NDNF: variants seen among roughly 807,000 people sequenced by gnomAD.
NDNF encodes neuron derived neurotrophic factor.
In NDNF, 16 loss-of-function variants were observed where a neutral mutation model predicts 42.0. The ratio of observed to expected loss-of-function variants is 0.38; its 90% CI spans 0.26 to 0.58. The LOEUF (loss-of-function observed/expected upper bound fraction) is 0.58, where lower values mean the gene tolerates loss of function less well. Ranked by LOEUF, NDNF falls within the 20% of genes least tolerant of loss-of-function variation. The pLI, the probability that NDNF is intolerant of heterozygous loss-of-function variation, is 0.67. For missense variants in NDNF, 616 were observed against 666.2 expected (o/e 0.92, Z 0.83); for synonymous variants, 248 against 251.7 (o/e 0.99, Z 0.14).
intron 1 of NDNF, among the ~76,000 whole-genome samples, chr4:121,058,569 C>G (rs1727343292): frequency 6.6e-6 from 1 of 152,136 alleles, no homozygotes; most frequent in Admixed American, 6.6e-5. Flanking sequence ...GAAGCATAAA[C>G]GAAGATGCTG....
intron 1 of NDNF, among the ~76,000 whole-genome samples, chr4:121,055,759 A>G (rs543118692): frequency 6.6e-6 from 1 of 152,286 alleles, no homozygotes; most frequent in East Asian, 1.9e-4. Flanking sequence ...TCCGCCAGAT[A>G]CATGGATGGT....
In NDNF at chr4:121,036,653, T is replaced by C. The variant is rs1488684895; in HGVS notation, c.1318A>G (p.Thr440Ala). Residue 440 changes from threonine to alanine, a missense_variant, in exon 4 of 4, where the codon ACT (threonine) becomes GCT (alanine). Transcript: ENST00000379692. ...GGAAGAGAGGGAAATGACTGCTTAG[T>C]AGGCCTTGTGGTAGCTAGAATTTTC... ...MLKILATTRP[T>A]KQSFPSLPED... 8.7e-6 allele frequency: 14 copies of C among 1,614,070 alleles called. No homozygotes were observed. The highest frequency in any genetic ancestry group is 2.7e-5 in the African/African-American group (2 of 74,924).
intron 1 of NDNF, among the ~76,000 whole-genome samples, chr4:121,059,739 T>C (rs951585342): frequency 2.6e-5 from 4 of 152,200 alleles, no homozygotes; most frequent in African/African-American, 7.2e-5. Context: ...GCTTCTCAAA[T>C]CTTTATGCGC....
intron 2 of NDNF, among the ~76,000 whole-genome samples, chr4:121,045,213 G>A (rs1214325402): frequency 5.3e-5 from 8 of 152,158 alleles, no homozygotes; most frequent in African/African-American, 9.6e-5. Flanking sequence ...TTAGCCAGGC[G>A]TGGTGGAGGA....
chr4:121,053,732 C>T (rs1309503617), intron 1 of NDNF, among the ~76,000 whole-genome samples: 1 of 152,214 alleles, frequency 6.6e-6, no homozygotes, highest in East Asian at 1.9e-4. Context: ...GGATAACTTC[C>T]ACTGTCTTAG....
At chr4:121,059,143 T>C (rs555453524) in intron 1 of NDNF, among the ~76,000 whole-genome samples, 1 of 152,052 alleles carries the variant, frequency 6.6e-6, no homozygotes, top group African/African-American at 2.4e-5. Context: ...GGCTGTGCAC[T>C]TTTTTATGCT....
intron 1 of NDNF, among the ~76,000 whole-genome samples, chr4:121,051,011 C>T (rs990161504): frequency 3.9e-5 from 6 of 152,038 alleles, no homozygotes; most frequent in Admixed American, 6.6e-5. Context: ...TATATACACA[C>T]ACATATTTTT....
At chr4:121,064,354 C>T (rs1450608695) in intron 1 of NDNF, among the ~76,000 whole-genome samples, 1 of 152,072 alleles carries the variant, frequency 6.6e-6, no homozygotes, top group East Asian at 1.9e-4. Context: ...ATCATTTCTG[C>T]TTCCATTGTG....
intron 2 of NDNF, 82 bp from the exon 3 acceptor site, chr4:121,040,136 TTTAA>T (rs1726972501): frequency 7.6e-7 from 1 of 1,309,894 alleles, no homozygotes; most frequent in African/African-American, 1.5e-5. Context: ...ATCATTTGGT[TTTAA>T]TTTTTTTTTC....
chr4:121,070,915 G>A (rs1727581777), intron 1 of NDNF, among the ~76,000 whole-genome samples: 1 of 152,152 alleles, frequency 6.6e-6, no homozygotes, highest in Non-Finnish European at 1.5e-5. Context: ...ACAGCGTAGA[G>A]GTGCCCGCGG....
intron 2 of NDNF, among the ~76,000 whole-genome samples, chr4:121,041,233 C>G (rs1400973799): frequency 6.6e-6 from 1 of 152,188 alleles, no homozygotes; most frequent in Non-Finnish European, 1.5e-5. Flanking sequence ...ATTTAATTAT[C>G]TTTCAAAACC....
intron 1 of NDNF, among the ~76,000 whole-genome samples, chr4:121,046,908 T>A (rs1727103414): frequency 6.6e-6 from 1 of 151,682 alleles, no homozygotes; most frequent in Non-Finnish European, 1.5e-5. Flanking sequence ...CCATTTGGTA[T>A]TTTTTTTTCC....
At chr4:121,039,134 TATATATATGTG>T (rs1726933048) in intron 3 of NDNF, 1 of 37,290 alleles carries the variant, frequency 2.7e-5, no homozygotes, top group African/African-American at 5.8e-5. Flanking sequence ...TACATAGTTA[TATATATATGTG>T]TATATATATA....
At chr4:121,050,493 T>C (rs1727175296) in intron 1 of NDNF, among the ~76,000 whole-genome samples, 1 of 152,174 alleles carries the variant, frequency 6.6e-6, no homozygotes, top group Admixed American at 6.5e-5. Flanking sequence ...GGAAATGTGT[T>C]TGCACAGCAA....
chr4:121,037,108 A>G lies in NDNF; in HGVS notation c.863T>C (p.Ile288Thr), dbSNP rs771377467. 1.2e-6 allele frequency: 2 copies of G among 1,613,944 alleles called. No individual in the cohort carries two copies. The highest frequency in any genetic ancestry group is 1.7e-6 in the Non-Finnish European group (2 of 1,180,012). The change falls in exon 4 of 4, where the codon ATT (isoleucine) becomes ACT (threonine). Residue 288 changes from isoleucine to threonine, a missense_variant. Physicochemically the swap from Ile to Thr is moderately conservative, Grantham distance 89 (BLOSUM62 -1). Transcript: ENST00000379692. Reference sequence around the variant, plus strand: ...CTTGTTTCCTATGCAGATTTTCTGAATATCAACCTTGGGCCTGGAGTAGAC... The same window carrying G: ...CTTGTTTCCTATGCAGATTTTCTGAGTATCAACCTTGGGCCTGGAGTAGAC... ...RHVYSRPKVD[I>T]QKICIGNKNI...
intron 1 of NDNF, among the ~76,000 whole-genome samples, chr4:121,051,971 A>G (rs1727204547): frequency 6.6e-6 from 1 of 152,224 alleles, no homozygotes. Context: ...TAAAGGTCCA[A>G]GGCTCTCAAA....
chr4:121,055,824 C>T (rs147565069), intron 1 of NDNF, among the ~76,000 whole-genome samples: 1 of 151,956 alleles, frequency 6.6e-6, no homozygotes, highest in African/African-American at 2.4e-5. Flanking sequence ...CACACACACG[C>T]ACCCCAGAAG....
intron 3 of NDNF, among the ~76,000 whole-genome samples, chr4:121,039,182 GTGTGTGTGTGTATATATATA>G (rs1726942751): frequency 1.1e-3 from 15 of 13,814 alleles, no homozygotes; most frequent in South Asian, 2.9e-3. Context: ...AAGACTATGT[GTGTGTGTGTGTATATATATA>G]TATATATATA....
intron 1 of NDNF, among the ~76,000 whole-genome samples, chr4:121,065,741 T>C (rs539483560): frequency 1.2e-3 from 146 of 125,936 alleles, no homozygotes; most frequent in Admixed American, 2.4e-3. Context: ...CACACACACA[T>C]ATATTTTACA....
Sources: gnomAD v4.1 joint callset for allele counts (sites outside exome capture counted in the v4.1 genomes callset) on GRCh38, gnomAD v4.1.1 for gene constraint, MANE v1.5 for transcripts, NCBI Gene and HGNC (gene_info 2026-07-23, HGNC 2026-07-21) for gene names.